Variants in FIRRM observed in about 807,000 individuals in gnomAD.
FIRRM encodes FIGNL1-interacting regulator of recombination and mitosis.
At chr1:169,785,588 C>T in the FIRRM span, among the ~76,000 whole-genome samples, 1 of 152,104 alleles carries the variant, frequency 6.6e-6, no homozygotes, top group Non-Finnish European at 1.5e-5. Context: ...AGCCTCTCGA[C>T]GTTCAGATGC....
At chr1:169,826,990 A>G in the FIRRM span, 1 of 1,495,844 alleles carries the variant, frequency 6.7e-7, no homozygotes, top group Non-Finnish European at 9.2e-7. Flanking sequence ...TATAGTACTT[A>G]CTCTACCTAA....
At chr1:169,814,354 T>C in the FIRRM span, among the ~76,000 whole-genome samples, 1 of 152,340 alleles carries the variant, frequency 6.6e-6, no homozygotes, top group East Asian at 1.9e-4. Flanking sequence ...TGGTACATAT[T>C]GTAGTACTAT....
chr1:169,810,604 G>A, the FIRRM span, among the ~76,000 whole-genome samples: 1 of 151,714 alleles, frequency 6.6e-6, no homozygotes, highest in Non-Finnish European at 1.5e-5. Flanking sequence ...ACTTTAATAT[G>A]ACCTCATCTT....
chr1:169,788,978 T>C, the FIRRM span, among the ~76,000 whole-genome samples: 2 of 152,224 alleles, frequency 1.3e-5, no homozygotes, highest in South Asian at 2.1e-4. Context: ...GGATAGCTAG[T>C]AGTCATAAAT....
At chr1:169,788,905 T>C in the FIRRM span, among the ~76,000 whole-genome samples, 175 of 152,312 alleles carry the variant, frequency 1.1e-3, 1 homozygote, top group Admixed American at 3.1e-3. Context: ...TAACCTCCCG[T>C]ATAGATGATG....
the FIRRM span, among the ~76,000 whole-genome samples, chr1:169,843,031 G>A: frequency 2.6e-5 from 4 of 152,172 alleles, no homozygotes; most frequent in Non-Finnish European, 5.9e-5. Flanking sequence ...GGTTGTACAC[G>A]TGTTTCTTAG....
At chr1:169,803,503 T>C in the FIRRM span, among the ~76,000 whole-genome samples, 1 of 152,096 alleles carries the variant, frequency 6.6e-6, no homozygotes, top group Non-Finnish European at 1.5e-5. Flanking sequence ...AAGTGGCTTT[T>C]TGGGGTTTTT....
At chr1:169,786,558 C>A in the FIRRM span, among the ~76,000 whole-genome samples, 1 of 152,098 alleles carries the variant, frequency 6.6e-6, no homozygotes, top group African/African-American at 2.4e-5. Flanking sequence ...CCTTTCCACA[C>A]GCATTCTCCC....
chr1:169,835,474 T>C, the FIRRM span, among the ~76,000 whole-genome samples: 2 of 152,200 alleles, frequency 1.3e-5, no homozygotes, highest in Admixed American at 6.5e-5. Flanking sequence ...TGTACTACCT[T>C]TTTAATGTAA....
At chr1:169,849,369 T>A in the FIRRM span, 300 of 626,228 alleles carry the variant, frequency 4.8e-4, 2 homozygotes, top group Middle Eastern at 4.3e-4. Flanking sequence ...TTACCTAATA[T>A]GTTTTAGTGT....
chr1:169,796,936 A>G, the FIRRM span, among the ~76,000 whole-genome samples: 1,006 of 152,308 alleles, frequency 6.6e-3, 10 homozygotes, highest in African/African-American at 0.023. Context: ...CTTCAATCTT[A>G]GGCAGTTCCC....
At chr1:169,814,545 A>T in the FIRRM span, among the ~76,000 whole-genome samples, 1 of 152,194 alleles carries the variant, frequency 6.6e-6, no homozygotes, top group African/African-American at 2.4e-5. Context: ...CTCAGTAAAA[A>T]GTTATTGCTT....
the FIRRM span, among the ~76,000 whole-genome samples, chr1:169,836,754 CAATAAT>C: frequency 6.6e-6 from 1 of 152,078 alleles, no homozygotes; most frequent in African/African-American, 2.4e-5. Flanking sequence ...GCATCAATAA[CAATAAT>C]AATAAAGCAT....
the FIRRM span, chr1:169,801,020 G>T: frequency 1.1e-6 from 1 of 904,706 alleles, no homozygotes. Flanking sequence ...TCTAGCCTCA[G>T]TCTTAGATGA....
the FIRRM span, among the ~76,000 whole-genome samples, chr1:169,817,262 A>G: frequency 6.6e-6 from 1 of 152,192 alleles, no homozygotes; most frequent in Non-Finnish European, 1.5e-5. Flanking sequence ...ACAATTGCCA[A>G]AGTTATCAGA....
chr1:169,802,618 C>T, the FIRRM span: 6 of 1,593,052 alleles, frequency 3.8e-6, no homozygotes, highest in South Asian at 1.1e-5. Context: ...TTTGTTTTTA[C>T]AGACTGTGAA....
chr1:169,846,037 T>C, the FIRRM span, among the ~76,000 whole-genome samples: 1 of 152,206 alleles, frequency 6.6e-6, no homozygotes, highest in Non-Finnish European at 1.5e-5. Context: ...CAATTATTCC[T>C]TGATTGATGG....
chr1:169,790,420 A>T, the FIRRM span, among the ~76,000 whole-genome samples: 2 of 152,098 alleles, frequency 1.3e-5, no homozygotes, highest in Non-Finnish European at 2.9e-5. Context: ...TCCTGACCTC[A>T]GGTGATCTGC....
At chr1:169,842,346 G>A in the FIRRM span, 2 of 1,514,698 alleles carry the variant, frequency 1.3e-6, no homozygotes, top group South Asian at 1.3e-5. Flanking sequence ...ATAACCTCTA[G>A]TTAAGTCGGC....
Sources: allele counts gnomAD v4.1 joint callset (sites outside exome capture counted in the v4.1 genomes callset), GRCh38; gene constraint gnomAD v4.1.1; transcripts MANE v1.5; gene names NCBI Gene and HGNC (gene_info 2026-07-23, HGNC 2026-07-21).